Variants in EYS observed in about 807,000 individuals in gnomAD.
EYS encodes protein eyes shut homolog.
Under a neutral mutation model 282.1 loss-of-function variants are expected in EYS, and 250 were observed. The observed-to-expected ratio is 0.89, with a 90% CI of 0.80 to 0.98. The LOEUF (loss-of-function observed/expected upper bound fraction) is 0.98, where lower values mean the gene tolerates loss of function less well. Among genes scored for constraint, EYS ranks in the 50% least tolerant of loss-of-function variants. The pLI is 0.00. For missense variants in EYS, 4,016 were observed against 3,709.0 expected (o/e 1.08, Z -2.15); for synonymous variants, 1,355 against 1,282.9 (o/e 1.06, Z -1.20).
chr6:65,628,987 T>C (rs565834305), intron 2 of EYS, among the ~76,000 whole-genome samples: 1 of 152,276 alleles, frequency 6.6e-6, no homozygotes, highest in South Asian at 2.1e-4. Flanking sequence ...ACCACAACCA[T>C]TAAAAAGCAA....
intron 41 of EYS, among the ~76,000 whole-genome samples, chr6:63,762,164 A>C (rs546859875): frequency 3.9e-4 from 60 of 152,158 alleles, no homozygotes; most frequent in African/African-American, 1.3e-3. Flanking sequence ...CTGAGTTATG[A>C]ACTTAAGCTC....
At chr6:63,966,546 G>A (rs540644125) in intron 35 of EYS, among the ~76,000 whole-genome samples, 49 of 152,292 alleles carry the variant, frequency 3.2e-4, no homozygotes, top group Middle Eastern at 3.4e-3. Context: ...AATAGCAACA[G>A]CATAAGAGCC....
At chr6:64,328,678 C>T (rs529543265) in intron 29 of EYS, among the ~76,000 whole-genome samples, 1 of 152,188 alleles carries the variant, frequency 6.6e-6, no homozygotes, top group Admixed American at 6.5e-5. Flanking sequence ...ATCTATGTGG[C>T]TACTAATGTA....
At chr6:64,231,434 C>G (rs1051915123) in intron 30 of EYS, among the ~76,000 whole-genome samples, 1 of 152,112 alleles carries the variant, frequency 6.6e-6, no homozygotes, top group Non-Finnish European at 1.5e-5. Context: ...TTCATCCCTG[C>G]TCTTCCAGCC....
chr6:64,654,339 G>C (rs559298770), intron 22 of EYS, among the ~76,000 whole-genome samples: 98 of 152,042 alleles, frequency 6.4e-4, no homozygotes, highest in South Asian at 5.0e-3. Flanking sequence ...ATCATTTAAG[G>C]ATTCATTGAA....
At chr6:63,985,849 C>T (rs1582082548) in intron 34 of EYS, among the ~76,000 whole-genome samples, 1 of 151,774 alleles carries the variant, frequency 6.6e-6, no homozygotes, top group African/African-American at 2.4e-5. Context: ...CAATACCATT[C>T]TGGACATAGG....
intron 22 of EYS, among the ~76,000 whole-genome samples, chr6:64,760,234 A>G (rs1328192443): frequency 1.3e-5 from 2 of 152,090 alleles, no homozygotes. Flanking sequence ...CAGCTTCTGC[A>G]TGCCATAAAG....
At chr6:65,036,858 G>A (rs991077403) in intron 13 of EYS, among the ~76,000 whole-genome samples, 1 of 151,978 alleles carries the variant, frequency 6.6e-6, no homozygotes. Flanking sequence ...TACACTGCTG[G>A]TGGGAATATA....
chr6:64,092,564 C>T (rs965923513), intron 31 of EYS, among the ~76,000 whole-genome samples: 1 of 152,160 alleles, frequency 6.6e-6, no homozygotes, highest in Non-Finnish European at 1.5e-5. Flanking sequence ...TGAGAAATGT[C>T]TGTTCATATC....
intron 30 of EYS, among the ~76,000 whole-genome samples, chr6:64,246,018 C>CAAAAAAAAAAAAAAAAAAAAAAAA (rs60121734): frequency 5.3e-5 from 3 of 56,200 alleles, no homozygotes; most frequent in African/African-American, 8.2e-5. Flanking sequence ...AACTCCGTCT[C>CAAAAAAAAAAAAAAAAAAAAAAAA]AAAAAAAAAA....
intron 26 of EYS, among the ~76,000 whole-genome samples, chr6:64,562,074 A>C (rs1045816801): frequency 6.6e-6 from 1 of 151,868 alleles, no homozygotes; most frequent in South Asian, 2.1e-4. Context: ...ACACATTCTT[A>C]TTTGTTCTTT....
intron 35 of EYS, among the ~76,000 whole-genome samples, chr6:63,934,361 A>G (rs1039662939): frequency 2.0e-5 from 3 of 152,224 alleles, no homozygotes; most frequent in Non-Finnish European, 4.4e-5. Flanking sequence ...GGGATCTAGA[A>G]CTAGAAATAC....
intron 1 of EYS, among the ~76,000 whole-genome samples, chr6:65,704,859 C>A (rs916768592): frequency 1.3e-5 from 2 of 152,162 alleles, no homozygotes; most frequent in Non-Finnish European, 2.9e-5. Context: ...ACCTGAGGCA[C>A]ATTTTCTAAT....
At chr6:64,798,012 T>TA (rs1483286361) in intron 22 of EYS, among the ~76,000 whole-genome samples, 6 of 151,882 alleles carry the variant, frequency 4.0e-5, no homozygotes, top group Non-Finnish European at 7.4e-5. Context: ...ATACATATAT[T>TA]AAAACCATTA....
chr6:65,427,780 A>T (rs1316383016), intron 5 of EYS, among the ~76,000 whole-genome samples: 1 of 152,088 alleles, frequency 6.6e-6, no homozygotes, highest in African/African-American at 2.4e-5. Context: ...GAAATAATCA[A>T]AATAGTATAA....
At chr6:65,082,878 T>A (rs2150172492) in intron 12 of EYS, among the ~76,000 whole-genome samples, 1 of 152,130 alleles carries the variant, frequency 6.6e-6, no homozygotes, top group Non-Finnish European at 1.5e-5. Context: ...TTAATCTAAG[T>A]AAATGCATGC....
chr6:64,886,539 T>C (rs1353518851), intron 19 of EYS, among the ~76,000 whole-genome samples, 158 bp downstream of exon 19: 3 of 152,072 alleles, frequency 2.0e-5, no homozygotes, highest in Non-Finnish European at 4.4e-5. Flanking sequence ...ATAATTTTAC[T>C]TCTTATTAAT....
rs115268102 is a variant in EYS, at chr6:65,622,541, T to C, written c.-333+17237A>G. ...TTTGCATATTTTTTCTTATTTAAGA[T>C]CTATACAACAGTTTTATGGGATGGT... is the stretch of plus-strand genomic sequence containing the variant. On this transcript the variant is annotated intron_variant, in intron 2 of 42. Coordinates refer to ENST00000503581, the MANE Select transcript of EYS (RefSeq NM_001142800.2). Among the ~76,000 whole-genome samples the C allele has an allele frequency of 5.7e-3, 875 of 152,196 alleles. 11 individuals are homozygous for C. The highest frequency in any genetic ancestry group is 1.0e-2 in the Non-Finnish European group (680 of 68,010).
Position 65,384,481 on chromosome 6 carries a change from C to T in EYS, c.1204G>A (p.Glu402Lys). 6.3e-7 allele frequency: 1 copy of T among 1,595,312 alleles called. No homozygotes were observed. The highest frequency in any genetic ancestry group is 8.6e-7 in the Non-Finnish European group (1 of 1,165,342). ...YPCSCISGFTEKNCEKAIDHC... is the reference protein window; with the variant it reads ...YPCSCISGFTKKNCEKAIDHC... ...TCAATTGCTTTCTCACAGTTTTTTT[C>T]AGTAAATCCTGATATACAGCTGTAA... Residue 402 changes from glutamate to lysine, a missense_variant, in exon 8 of 43, where the codon GAA (glutamate) becomes AAA (lysine). Transcript: ENST00000503581.
Sources: allele counts gnomAD v4.1 joint callset (sites outside exome capture counted in the v4.1 genomes callset), GRCh38; gene constraint gnomAD v4.1.1; transcripts MANE v1.5; gene names NCBI Gene and HGNC (gene_info 2026-07-23, HGNC 2026-07-21).